PDS5B: variants seen among roughly 807,000 people sequenced by gnomAD.
The protein encoded by PDS5B is PDS5 cohesin associated factor B.
Under a neutral mutation model 184.1 loss-of-function variants are expected in PDS5B, and 51 were observed. That is an observed-to-expected ratio of 0.28 (90% CI 0.22 to 0.35). The LOEUF (loss-of-function observed/expected upper bound fraction) is 0.35, where lower values mean the gene tolerates loss of function less well. Ranked by LOEUF, PDS5B falls within the 10% of genes least tolerant of loss-of-function variation. The pLI is 1.00. For missense variants in PDS5B, 1,180 were observed against 1,723.3 expected (o/e 0.68, Z 5.58); for synonymous variants, 566 against 569.2 (o/e 0.99, Z 0.08).
intron 29 of PDS5B, among the ~76,000 whole-genome samples, chr13:32,760,216 A>G (rs1954332767): frequency 6.6e-6 from 1 of 152,190 alleles, no homozygotes; most frequent in Admixed American, 6.5e-5. Context: ...TGGCCTCCCA[A>G]AGTGCTGGGA....
chr13:32,694,360 A>G (rs1951641099), intron 14 of PDS5B, 56 bp downstream of exon 14: 3 of 1,015,314 alleles, frequency 3.0e-6, no homozygotes, highest in South Asian at 1.4e-5. Context: ...TTTAATTACT[A>G]TTTACCATTG....
chr13:32,634,263 T>G (rs1011984363), intron 1 of PDS5B, among the ~76,000 whole-genome samples: 7 of 152,230 alleles, frequency 4.6e-5, no homozygotes, highest in African/African-American at 1.7e-4. Context: ...AGACTCCTTA[T>G]CAGAGACTTA....
intron 12 of PDS5B, 129 bp downstream of exon 12, chr13:32,687,414 T>TG: frequency 1.6e-6 from 1 of 629,778 alleles, no homozygotes. Flanking sequence ...GTAATGGTAG[T>TG]GAGTGACTGG....
At chr13:32,734,246 C>T (rs975484074) in intron 20 of PDS5B, among the ~76,000 whole-genome samples, 6 of 151,930 alleles carry the variant, frequency 3.9e-5, no homozygotes, top group Non-Finnish European at 5.9e-5. Flanking sequence ...TGGCTGGTCT[C>T]GAACTCCTGA....
Position 32,742,047 on chromosome 13 carries a change from C to A in PDS5B, c.2476-544C>A, listed in dbSNP as rs567633554. 2.6e-5 allele frequency among the ~76,000 whole-genome samples: 4 copies of A among 152,206 alleles called. No homozygotes were observed. In the South Asian group the frequency reaches 8.3e-4, roughly 32 times the overall value. On this transcript the variant is annotated intron_variant, in intron 22 of 34. Transcript: ENST00000315596. The stretch of plus-strand genomic sequence containing the variant: ...GCCGTGAGCCAGACACTATCGAAGA[C>A]CCTCTTAGCATCTGAGCCTTAGCTC...
chr13:32,697,562 A>G (rs535769080), intron 15 of PDS5B, among the ~76,000 whole-genome samples: 4 of 152,212 alleles, frequency 2.6e-5, no homozygotes, highest in Non-Finnish European at 5.9e-5. Context: ...CAGTAAACCT[A>G]ACTCACTGGT....
In PDS5B at chr13:32,732,086, A is replaced by ATT; in HGVS notation, c.2124-7_2124-6dup. 6.3e-7 allele frequency: 1 copy of ATT among 1,575,360 alleles called. No homozygotes were observed. The highest frequency in any genetic ancestry group is 8.6e-7 in the Non-Finnish European group (1 of 1,158,746). On this transcript the variant is annotated splice_polypyrimidine_tract_variant and intron_variant, in intron 19 of 34. Transcript: ENST00000315596. ...TTTTCTGGTTTATTGTTTTTCTTTG[A>ATT]TTTTTTTTTAATAGAGCCTTGCTTC...
intron 19 of PDS5B, among the ~76,000 whole-genome samples, chr13:32,714,550 G>A (rs950597485): frequency 1.4e-4 from 21 of 152,110 alleles, no homozygotes; most frequent in Non-Finnish European, 2.6e-4. Context: ...AGAGACAGGC[G>A]CACCTGGGGG....
At chr13:32,684,674 G>C (rs1409119959) in intron 11 of PDS5B, among the ~76,000 whole-genome samples, 5 of 152,182 alleles carry the variant, frequency 3.3e-5, no homozygotes, top group African/African-American at 9.7e-5. Flanking sequence ...CCTCCTGATT[G>C]CCATAATGGC....
At chr13:32,741,340 A>G (rs1953542027) in intron 22 of PDS5B, among the ~76,000 whole-genome samples, 192 bp downstream of exon 22, 1 of 152,166 alleles carries the variant, frequency 6.6e-6, no homozygotes, top group African/African-American at 2.4e-5. Flanking sequence ...ACAGCTGCAC[A>G]TAATCTAATT....
intron 23 of PDS5B, among the ~76,000 whole-genome samples, chr13:32,743,841 A>G (rs370387607): frequency 3.9e-5 from 6 of 152,234 alleles, no homozygotes; most frequent in East Asian, 1.9e-4. Context: ...ATATATGCCA[A>G]TGTTTAGGAG....
At chr13:32,738,884 C>G (rs931082100) in intron 21 of PDS5B, among the ~76,000 whole-genome samples, 1 of 152,100 alleles carries the variant, frequency 6.6e-6, no homozygotes, top group Non-Finnish European at 1.5e-5. Context: ...GTTGGCCAGG[C>G]TGGTCTCCAA....
intron 24 of PDS5B, among the ~76,000 whole-genome samples, chr13:32,751,843 CAGA>C (rs1953993568): frequency 6.6e-6 from 1 of 152,118 alleles, no homozygotes; most frequent in Admixed American, 6.5e-5. Context: ...TTTTGCTGTG[CAGA>C]AGCTCTTTAG....
chr13:32,617,275 T>C (rs141485932), intron 1 of PDS5B, among the ~76,000 whole-genome samples: 110 of 152,352 alleles, frequency 7.2e-4, no homozygotes, highest in Middle Eastern at 3.4e-3. Context: ...AGCACCTACT[T>C]ACAGAGTTGC....
chr13:32,610,889 C>T (rs777454443), intron 1 of PDS5B, among the ~76,000 whole-genome samples: 8 of 152,002 alleles, frequency 5.3e-5, no homozygotes, highest in Non-Finnish European at 1.2e-4. Flanking sequence ...TATTCCTCTC[C>T]TCTTAGTATT....
chr13:32,738,624 T>C (rs1049217002), intron 21 of PDS5B, among the ~76,000 whole-genome samples: 1 of 152,220 alleles, frequency 6.6e-6, no homozygotes, highest in Non-Finnish European at 1.5e-5. Flanking sequence ...TTTATGTGTG[T>C]CTTTTCACTC....
rs1418949497 is a variant in PDS5B at position 32,775,805 on chromosome 13, A to G, written c.*753A>G. On this transcript the variant is annotated 3_prime_UTR_variant, in exon 35 of 35. Transcript: ENST00000315596. ...AAGATTTAAAGTATTTTAATTTTAA[A>G]GAGTGTGTTATAAAATAATGTACTG... 1.1e-5 allele frequency: 4 copies of G among 364,394 alleles called. No homozygotes were observed. Among genetic ancestry groups the G allele is most frequent in the East Asian group, 7.7e-5 (1 of 12,904 alleles). The allele number at this position is 364,394 out of a possible 1,614,324, so 22.6% of individuals were successfully genotyped here.
At chr13:32,607,592 G>C (rs995934706) in intron 1 of PDS5B, among the ~76,000 whole-genome samples, 1 of 152,228 alleles carries the variant, frequency 6.6e-6, no homozygotes, top group African/African-American at 2.4e-5. Context: ...AAAGCTGTCA[G>C]ACAGGGACAT....
intron 23 of PDS5B, 132 bp downstream of exon 23, chr13:32,742,859 A>G (rs1953608500): frequency 2.5e-6 from 2 of 791,658 alleles, no homozygotes; most frequent in East Asian, 5.4e-5. Context: ...ATATATTTTT[A>G]CTGGAATATG....
Sources: gnomAD v4.1 joint callset for allele counts (sites outside exome capture counted in the v4.1 genomes callset) on GRCh38, gnomAD v4.1.1 for gene constraint, MANE v1.5 for transcripts, NCBI Gene and HGNC (gene_info 2026-07-23, HGNC 2026-07-21) for gene names.